TSPAN7: variants seen among roughly 807,000 people sequenced by gnomAD.
The protein encoded by TSPAN7 is tetraspanin-7.
In TSPAN7, 1 loss-of-function variant was observed where a neutral mutation model predicts 17.6. The ratio of observed to expected loss-of-function variants is 0.06; its 90% CI spans 0.02 to 0.27. The LOEUF (loss-of-function observed/expected upper bound fraction) is 0.27. TSPAN7 is among the 10% of genes least tolerant of loss of function. The pLI, the probability that TSPAN7 is intolerant of heterozygous loss-of-function variation, is 1.00. For missense variants in TSPAN7, 112 were observed against 201.7 expected (o/e 0.56, Z 2.69); for synonymous variants, 78 against 79.0 (o/e 0.99, Z 0.07).
At chrX:38,654,369 T>C (rs2069690776) in intron 1 of TSPAN7, among the ~76,000 whole-genome samples, 1 of 112,403 alleles carries the variant, frequency 8.9e-6, no homozygotes, top group Non-Finnish European at 1.9e-5. Context: ...AGTTATAGGA[T>C]ATTAGAGCTT....
chrX:38,656,643 G>A (rs2069707052), intron 1 of TSPAN7, among the ~76,000 whole-genome samples: 1 of 111,888 alleles, frequency 8.9e-6, no homozygotes, highest in Non-Finnish European at 1.9e-5. Context: ...AAATCTCCTG[G>A]TAAGTGGCTT....
chrX:38,583,044 A>G (rs1206282807), intron 1 of TSPAN7, among the ~76,000 whole-genome samples: 2 of 111,936 alleles, frequency 1.8e-5, no homozygotes, highest in Non-Finnish European at 3.8e-5. Flanking sequence ...ATTTTATCCC[A>G]TCCATTCTGT....
intron 1 of TSPAN7, among the ~76,000 whole-genome samples, chrX:38,600,265 A>T (rs375751893): frequency 2.7e-5 from 3 of 111,607 alleles, no homozygotes; most frequent in African/African-American, 9.8e-5. Flanking sequence ...GAGCTGTTCC[A>T]TATATTTTTA....
chrX:38,607,813 GT>G (rs1261045567), intron 1 of TSPAN7, among the ~76,000 whole-genome samples: 2 of 105,025 alleles, frequency 1.9e-5, no homozygotes, highest in East Asian at 6.1e-4. Context: ...ACATGGCTAT[GT>G]TTAGTGTCTG....
At chrX:38,596,447 G>A (rs2069319076) in intron 1 of TSPAN7, among the ~76,000 whole-genome samples, 1 of 111,878 alleles carries the variant, frequency 8.9e-6, no homozygotes, top group South Asian at 3.7e-4. Context: ...ATGTGGAACT[G>A]TTGATATTCT....
At chrX:38,676,534 T>G (rs183727068) in intron 5 of TSPAN7, among the ~76,000 whole-genome samples, 1 of 112,355 alleles carries the variant, frequency 8.9e-6, no homozygotes. Flanking sequence ...TATAACTGCA[T>G]GTGAAGATTA....
intron 1 of TSPAN7, among the ~76,000 whole-genome samples, chrX:38,587,180 T>C (rs2069263127): frequency 8.9e-6 from 1 of 112,349 alleles, no homozygotes; most frequent in Non-Finnish European, 1.9e-5. Context: ...CAAAGAATTA[T>C]GTGGCCCAAA....
chrX:38,667,236 G>A (rs184568163), intron 2 of TSPAN7, among the ~76,000 whole-genome samples: 85 of 111,880 alleles, frequency 7.6e-4, no homozygotes, highest in African/African-American at 2.7e-3. Context: ...CAGATGATAA[G>A]GGCAGACTAT....
chrX:38,665,413 C>T (rs2069775702), intron 1 of TSPAN7, among the ~76,000 whole-genome samples: 1 of 111,180 alleles, frequency 9.0e-6, no homozygotes, highest in Admixed American at 9.6e-5. Context: ...GGGTGTTAGG[C>T]ATAGTATGCA....
chrX:38,641,011 C>A (rs754812732), intron 1 of TSPAN7, among the ~76,000 whole-genome samples: 39 of 112,594 alleles, frequency 3.5e-4, no homozygotes, highest in Middle Eastern at 4.6e-3. Context: ...AGGCTTTGCC[C>A]AAGGTCATCT....
chrX:38,637,754 G>A (rs1429449388), intron 1 of TSPAN7, among the ~76,000 whole-genome samples: 1 of 112,663 alleles, frequency 8.9e-6, no homozygotes, highest in Non-Finnish European at 1.9e-5. Flanking sequence ...GACACACTAG[G>A]CTTCCCATTG....
At chrX:38,672,623 G>C (rs58715794) in intron 3 of TSPAN7, among the ~76,000 whole-genome samples, 1 of 111,414 alleles carries the variant, frequency 9.0e-6, no homozygotes, top group Non-Finnish European at 1.9e-5. Context: ...TGAACACCAG[G>C]AGCAGCCTGG....
chrX:38,645,969 T>C (rs1420265091), intron 1 of TSPAN7, among the ~76,000 whole-genome samples: 1 of 112,151 alleles, frequency 8.9e-6, no homozygotes, highest in East Asian at 2.8e-4. Context: ...AGTTTACATA[T>C]GAAGAACCTG....
chrX:38,648,012 G>C (rs1167390563), intron 1 of TSPAN7, among the ~76,000 whole-genome samples: 1 of 111,632 alleles, frequency 9.0e-6, no homozygotes, highest in African/African-American at 3.3e-5. Context: ...TTGGGTTTTT[G>C]CTTTGTCTTG....
rs748408958 is a variant in TSPAN7 at position 38,666,183 on chromosome X, C to T, written c.144C>T (p.Ile48=). The T allele has an allele frequency of 8.3e-7, 1 of 1,210,130 alleles. No homozygotes were observed. Among genetic ancestry groups the T allele is most frequent in the Non-Finnish European group, 1.1e-6 (1 of 894,951 alleles). ...GCAAACTTACTCTGGGCACCTATAT[C>T]TCCCTTATTGCCGAGAACTCCACAA... ...VWGKLTLGTY[I]SLIAENSTNA... The change falls in exon 2 of 8, where the codon ATC becomes ATT. Residue 48 remains isoleucine, a synonymous_variant. Coordinates refer to ENST00000378482, the MANE Select transcript of TSPAN7 (RefSeq NM_004615.4).
rs2069304111 is a variant in TSPAN7 at position 38,593,641 on chromosome X, A to C, written c.81+32014A>C. ...TAAATGGATTAATGCTGTTATTGCA[A>C]GAATGGGTTTGTTATTTCAAAAGTG... On this transcript the variant is annotated intron_variant, in intron 1 of 7. Coordinates refer to ENST00000378482, the MANE Select transcript of TSPAN7 (RefSeq NM_004615.4). Among the ~76,000 whole-genome samples the C allele has an allele frequency of 2.7e-5, 3 of 112,060 alleles. No individual in the cohort carries two copies. The Admixed American group carries it at 2.8e-4, about 11-fold the overall frequency.
intron 4 of TSPAN7, 72 bp downstream of exon 4, chrX:38,674,388 G>C (rs992371106): frequency 1.1e-6 from 1 of 944,181 alleles, no homozygotes; most frequent in Admixed American, 2.6e-5. Context: ...CTGCCTGTAG[G>C]TTGGCCCAGT....
At chrX:38,640,931 T>C (rs1287489497) in intron 1 of TSPAN7, among the ~76,000 whole-genome samples, 1 of 112,372 alleles carries the variant, frequency 8.9e-6, no homozygotes, top group Non-Finnish European at 1.9e-5. Flanking sequence ...CTAAGCACTT[T>C]AGCTATATTT....
intron 1 of TSPAN7, among the ~76,000 whole-genome samples, chrX:38,646,961 T>A: frequency 9.0e-6 from 1 of 111,595 alleles, no homozygotes; most frequent in Non-Finnish European, 1.9e-5. Context: ...ACAGTGCTAA[T>A]GTGTATCTTT....
Sources: allele counts gnomAD v4.1 joint callset (sites outside exome capture counted in the v4.1 genomes callset), GRCh38; gene constraint gnomAD v4.1.1; transcripts MANE v1.5; gene names NCBI Gene and HGNC (gene_info 2026-07-23, HGNC 2026-07-21).